Variants in ADGRB3 observed in about 807,000 individuals in gnomAD.
ADGRB3 encodes the protein adhesion G protein-coupled receptor B3, also known as brain-specific angiogenesis inhibitor 3.
Under a neutral mutation model 193.4 loss-of-function variants are expected in ADGRB3, and 37 were observed. The observed-to-expected ratio is 0.19, with a 90% CI of 0.15 to 0.25. The LOEUF is 0.25. ADGRB3 is among the 10% of genes least tolerant of loss of function. ADGRB3 has a pLI of 1.00. For synonymous variants in ADGRB3, 690 were observed against 644.2 expected, an observed-to-expected ratio of 1.07 and a Z score of -1.08; for missense variants, 1,637 against 1,852.9, an observed-to-expected ratio of 0.88 and a Z score of 2.14.
At chr6:68,896,969 C>T (rs1162138892) in intron 3 of ADGRB3, among the ~76,000 whole-genome samples, 1 of 152,048 alleles carries the variant, frequency 6.6e-6, no homozygotes, top group Non-Finnish European at 1.5e-5. Flanking sequence ...ACACAAAAGC[C>T]ACTCCCAGCA....
At chr6:69,355,904 A>C in intron 28 of ADGRB3, 44 bp downstream of exon 28, 2 of 1,444,704 alleles carry the variant, frequency 1.4e-6, no homozygotes, top group Non-Finnish European at 1.9e-6. Flanking sequence ...AGGGATGTTC[A>C]ATCATTTCTA....
chr6:69,323,199 G>C (rs79821047), intron 20 of ADGRB3, among the ~76,000 whole-genome samples: 1 of 151,900 alleles, frequency 6.6e-6, no homozygotes. Context: ...AAATAGAGAT[G>C]GACTAGCTTT....
chr6:68,787,735 G>T (rs1767006236), intron 3 of ADGRB3, among the ~76,000 whole-genome samples: 1 of 152,148 alleles, frequency 6.6e-6, no homozygotes, highest in Admixed American at 6.6e-5. Flanking sequence ...AATGCTACCA[G>T]CTCCTATTTG....
intron 13 of ADGRB3, among the ~76,000 whole-genome samples, chr6:69,032,001 GA>G (rs1770725728): frequency 6.6e-6 from 1 of 152,178 alleles, no homozygotes; most frequent in Non-Finnish European, 1.5e-5. Context: ...GTGCCCTAGG[GA>G]AGGTATAAAG....
intron 20 of ADGRB3, among the ~76,000 whole-genome samples, chr6:69,285,656 G>A (rs943748354): frequency 6.6e-6 from 1 of 152,020 alleles, no homozygotes; most frequent in African/African-American, 2.4e-5. Flanking sequence ...GGGCAACAGA[G>A]CGAGACTCCA....
chr6:69,246,807 T>TGA (rs1766507561), intron 20 of ADGRB3, among the ~76,000 whole-genome samples: 2 of 152,174 alleles, frequency 1.3e-5, no homozygotes, highest in African/African-American at 4.8e-5. Context: ...TATTCTTAGC[T>TGA]TCAACTTCAA....
At chr6:68,936,456 A>G (rs1158779674) in intron 4 of ADGRB3, 63 bp from the exon 5 acceptor site, 5 of 1,505,070 alleles carry the variant, frequency 3.3e-6, no homozygotes, top group African/African-American at 2.7e-5. Context: ...TCAGTTTGGT[A>G]TAATGCTTAC....
intron 3 of ADGRB3, among the ~76,000 whole-genome samples, chr6:68,723,822 A>G (rs1250530646): frequency 6.6e-6 from 1 of 151,720 alleles, no homozygotes; most frequent in Non-Finnish European, 1.5e-5. Context: ...GGTGGTTCTC[A>G]ACTGGAGATT....
intron 17 of ADGRB3, among the ~76,000 whole-genome samples, chr6:69,208,534 A>C (rs754725526): frequency 3.8e-4 from 58 of 152,188 alleles, no homozygotes; most frequent in Non-Finnish European, 6.2e-4. Flanking sequence ...CGTCACTGCT[A>C]TCCTTCAGGG....
At chr6:68,716,806 T>C (rs1765496827) in intron 3 of ADGRB3, among the ~76,000 whole-genome samples, 1 of 151,712 alleles carries the variant, frequency 6.6e-6, no homozygotes, top group Non-Finnish European at 1.5e-5. Flanking sequence ...AGGTGATTTG[T>C]GGAGAGTCTG....
At chr6:68,833,338 A>G (rs1006166115) in intron 3 of ADGRB3, among the ~76,000 whole-genome samples, 1 of 151,750 alleles carries the variant, frequency 6.6e-6, no homozygotes, top group Non-Finnish European at 1.5e-5. Flanking sequence ...TGTGACTAGG[A>G]GAGAAGATAT....
intron 3 of ADGRB3, among the ~76,000 whole-genome samples, chr6:68,910,377 G>C (rs1335835807): frequency 6.6e-6 from 1 of 152,158 alleles, no homozygotes; most frequent in Non-Finnish European, 1.5e-5. Context: ...TCTGATGGTA[G>C]TTTCTTTTGC....
chr6:69,110,424 A>G (rs1773337641), intron 17 of ADGRB3, among the ~76,000 whole-genome samples: 1 of 152,176 alleles, frequency 6.6e-6, no homozygotes, highest in Non-Finnish European at 1.5e-5. Context: ...TCTTTGTTGA[A>G]AAAGAAAACC....
chr6:68,889,824 C>T (rs1352981817), intron 3 of ADGRB3, among the ~76,000 whole-genome samples: 1 of 151,950 alleles, frequency 6.6e-6, no homozygotes, highest in Non-Finnish European at 1.5e-5. Context: ...CTTAAACGAG[C>T]AATAGTGACC....
chr6:68,670,667 T>C (rs1372207811), intron 3 of ADGRB3, among the ~76,000 whole-genome samples: 1 of 152,108 alleles, frequency 6.6e-6, no homozygotes, highest in Non-Finnish European at 1.5e-5. Context: ...TATAGCCCTG[T>C]AGCATAATTT....
Position 69,154,821 on chromosome 6 carries a change from T to G in ADGRB3, c.2481-78469T>G, listed in dbSNP as rs1049223098. Among the ~76,000 whole-genome samples, 3 of 152,242 alleles carry G rather than the reference T, an allele frequency of 2.0e-5. No individual in the cohort carries two copies. In the East Asian group the frequency reaches 5.8e-4, roughly 29 times the overall value. ...TTAGTCTGCACAATATATTTATTTA[T>G]CCATTCATCTATCTATATATTCATT... On this transcript the variant is annotated intron_variant, in intron 17 of 31. Transcript: ENST00000370598.
At chr6:68,812,300 A>C (rs1398015511) in intron 3 of ADGRB3, among the ~76,000 whole-genome samples, 2 of 151,010 alleles carry the variant, frequency 1.3e-5, no homozygotes, top group African/African-American at 4.9e-5. Flanking sequence ...TATTTACATT[A>C]TTCATTGTGA....
intron 17 of ADGRB3, among the ~76,000 whole-genome samples, chr6:69,185,270 C>T (rs543649186): frequency 6.6e-6 from 1 of 152,218 alleles, no homozygotes; most frequent in Non-Finnish European, 1.5e-5. Context: ...CTAGCTGAAA[C>T]AGAGAAGAGT....
intron 17 of ADGRB3, among the ~76,000 whole-genome samples, chr6:69,149,994 G>A (rs1244942727): frequency 6.6e-6 from 1 of 150,700 alleles, no homozygotes; most frequent in African/African-American, 2.5e-5. Flanking sequence ...CTGGAGCTGA[G>A]GGAGGGGTGA....
Sources: allele counts gnomAD v4.1 joint callset (sites outside exome capture counted in the v4.1 genomes callset), GRCh38; gene constraint gnomAD v4.1.1; transcripts MANE v1.5; gene names NCBI Gene and HGNC (gene_info 2026-07-23, HGNC 2026-07-21).